The following ASAP1 variants were observed in gnomAD, a reference collection of about 807,000 sequenced individuals.
ASAP1 encodes ArfGAP with SH3 domain, ankyrin repeat and PH domain 1.
In ASAP1, 43 loss-of-function variants were observed where a neutral mutation model predicts 145.2. That is an observed-to-expected ratio of 0.30 (90% CI 0.23 to 0.38). The LOEUF is 0.38. Ranked by LOEUF, ASAP1 falls within the 10% of genes least tolerant of loss-of-function variation. The pLI is 1.00. For missense variants in ASAP1, 1,018 were observed against 1,355.3 expected (o/e 0.75, Z 3.91); for synonymous variants, 546 against 515.5 (o/e 1.06, Z -0.80).
At chr8:130,370,154 T>G (rs564916664) in intron 2 of ASAP1, among the ~76,000 whole-genome samples, 19 of 152,158 alleles carry the variant, frequency 1.2e-4, no homozygotes, top group African/African-American at 4.3e-4. Flanking sequence ...TACAAAAAAT[T>G]ACCCAAGCAT....
At chr8:130,443,064 T>C (rs894576890) in intron 1 of ASAP1, among the ~76,000 whole-genome samples, 3 of 151,840 alleles carry the variant, frequency 2.0e-5, no homozygotes, top group Non-Finnish European at 4.4e-5. Flanking sequence ...CCAGAGACAA[T>C]GCCGGGAGGG....
intron 5 of ASAP1, among the ~76,000 whole-genome samples, chr8:130,213,947 CG>C (rs1355599944): frequency 6.6e-6 from 1 of 152,152 alleles, no homozygotes; most frequent in Non-Finnish European, 1.5e-5. Flanking sequence ...GTCTGCCTCC[CG>C]GGGCCAGCAC....
intron 8 of ASAP1, among the ~76,000 whole-genome samples, chr8:130,180,099 A>C (rs957724648): frequency 2.6e-5 from 4 of 151,436 alleles, no homozygotes; most frequent in African/African-American, 9.7e-5. Context: ...AAAGAGAAGG[A>C]GGGAATAGAG....
intron 2 of ASAP1, among the ~76,000 whole-genome samples, chr8:130,389,765 G>A (rs60744896): frequency 0.098 from 14,602 of 148,270 alleles, 724 homozygotes; most frequent in Middle Eastern, 0.17. Context: ...CAGTGGCACA[G>A]TCACGGCTCA....
chr8:130,158,864 T>C (rs1392264579), intron 12 of ASAP1, among the ~76,000 whole-genome samples: 1 of 152,024 alleles, frequency 6.6e-6, no homozygotes, highest in Non-Finnish European at 1.5e-5. Flanking sequence ...CCCAAGTAGC[T>C]GGGACCACAG....
chr8:130,391,536 T>C (rs35305115), intron 2 of ASAP1, among the ~76,000 whole-genome samples: 9,505 of 152,314 alleles, frequency 0.062, 294 homozygotes, highest in Middle Eastern at 0.12. Flanking sequence ...TCAGTCCTCA[T>C]GGCTTTGAGA....
At chr8:130,360,035 C>G (rs1036268338) in intron 2 of ASAP1, among the ~76,000 whole-genome samples, 1 of 152,240 alleles carries the variant, frequency 6.6e-6, no homozygotes, top group African/African-American at 2.4e-5. Context: ...ACAGAAGTAG[C>G]AGAGTGGCTG....
At chr8:130,099,483 C>A (rs1329726797) in intron 24 of ASAP1, among the ~76,000 whole-genome samples, 1 of 151,562 alleles carries the variant, frequency 6.6e-6, no homozygotes, top group African/African-American at 2.4e-5. Flanking sequence ...CCCGGCCAGG[C>A]CCAGCTAATT....
chr8:130,358,228 TGAACCCCGGCGC>T lies in ASAP1; in HGVS notation c.60-97_60-86del. 9.0e-7 allele frequency: 1 copy of T among 1,116,846 alleles called. No individual in the cohort carries two copies. The highest frequency in any genetic ancestry group is 1.1e-6 in the Non-Finnish European group (1 of 879,614). 69.2% of individuals were successfully genotyped at this position (1,116,846 alleles called of 1,614,324 possible). A position where few individuals can be genotyped will look rare whatever the true frequency, so the allele number is the denominator to read the frequency against. ...GGGCCGCGGGCCGCCCGGAGGCTCA[TGAACCCCGGCGC>T]GCAGCCCGCCACCCGCCGCCCGGCC... On this transcript the variant is annotated intron_variant, in intron 2 of 29. Transcript: ENST00000518721. This position sits in a 1 kb window ranked among gnomAD's most constrained non-coding sequence, Gnocchi z 4.1.
chr8:130,068,370 T>C (rs902775977), intron 27 of ASAP1, among the ~76,000 whole-genome samples: 1 of 152,132 alleles, frequency 6.6e-6, no homozygotes, highest in Non-Finnish European at 1.5e-5. Flanking sequence ...CCTCTGAGAC[T>C]TGTGGTTACC....
intron 3 of ASAP1, among the ~76,000 whole-genome samples, chr8:130,257,463 A>T (rs1020948761): frequency 6.6e-6 from 1 of 152,310 alleles, no homozygotes; most frequent in Admixed American, 6.5e-5. Context: ...GTACTTCATA[A>T]AGAATATTTC....
At chr8:130,134,920 C>A (rs538452003) in intron 14 of ASAP1, among the ~76,000 whole-genome samples, 15 of 152,260 alleles carry the variant, frequency 9.9e-5, no homozygotes, top group Admixed American at 9.2e-4. Flanking sequence ...AGCCCCAACA[C>A]CCCCAACACT....
intron 3 of ASAP1, among the ~76,000 whole-genome samples, chr8:130,278,119 T>G (rs1033090970): frequency 6.6e-6 from 1 of 151,748 alleles, no homozygotes; most frequent in Admixed American, 6.6e-5. Context: ...TGTAAATTAG[T>G]ACCAATATCC....
At chr8:130,093,662 G>A (rs375981753) in intron 24 of ASAP1, among the ~76,000 whole-genome samples, 59 of 35,866 alleles carry the variant, frequency 1.6e-3, no homozygotes, top group African/African-American at 7.5e-3. Flanking sequence ...GCGAGACTCC[G>A]TCTCAAAAAA....
At chr8:130,118,798 A>G in intron 18 of ASAP1, 123 bp from the exon 19 acceptor site, 2 of 683,790 alleles carry the variant, frequency 2.9e-6, no homozygotes, top group South Asian at 3.9e-5. Flanking sequence ...TCACCATTCA[A>G]ATAAACCAGG....
rs911361057 is a variant in ASAP1, at chr8:130,319,106, T to C, written c.186+38911A>G. On this transcript the variant is annotated intron_variant, in intron 3 of 29. Transcript: ENST00000518721. ...CAATTTTCACTTCCTCTGTAGCAAT[T>C]ACTGTGGTTATTTGGAGAAGAAATT... Among the ~76,000 whole-genome samples, 6 of 152,332 alleles carry C rather than the reference T, an allele frequency of 3.9e-5. No individual in the cohort carries two copies. The East Asian group carries it at 7.7e-4, about 20-fold the overall frequency.
chr8:130,353,849 C>T (rs1051826451), intron 3 of ASAP1, among the ~76,000 whole-genome samples: 4 of 148,736 alleles, frequency 2.7e-5, no homozygotes, highest in Admixed American at 2.0e-4. Flanking sequence ...GCAGCCTCGG[C>T]GACAGAGTGA....
rs2134949597 is a variant in ASAP1, at chr8:130,052,229, G to A, written c.*2502C>T. ...CATGTGAAATGACAAGTGTACTGATGTTTGATGGTAACATCCAGATGAGAA... is the reference window on the plus strand; with the variant it reads ...CATGTGAAATGACAAGTGTACTGATATTTGATGGTAACATCCAGATGAGAA... On this transcript the variant is annotated 3_prime_UTR_variant, in exon 30 of 30. Coordinates refer to ENST00000518721, the MANE Select transcript of ASAP1 (RefSeq NM_018482.4). 1 of 152,794 alleles carries A rather than the reference G, an allele frequency of 6.5e-6. No homozygotes were observed. The highest frequency in any genetic ancestry group is 1.9e-4 in the East Asian group (1 of 5,192). The allele number at this position is 152,794 out of a possible 1,614,324, so 9.5% of individuals were successfully genotyped here.
intron 2 of ASAP1, among the ~76,000 whole-genome samples, chr8:130,390,381 G>A (rs1353675914): frequency 6.6e-6 from 1 of 152,162 alleles, no homozygotes; most frequent in Admixed American, 6.6e-5. Context: ...AAACAATCTA[G>A]GAATCTCAGA....
Sources: allele counts gnomAD v4.1 joint callset (sites outside exome capture counted in the v4.1 genomes callset), GRCh38; gene constraint gnomAD v4.1.1; non-coding constraint Gnocchi (gnomAD v3.1); transcripts MANE v1.5; gene names NCBI Gene and HGNC (gene_info 2026-07-23, HGNC 2026-07-21).